The following CCDC196 variants were observed in gnomAD, a reference collection of about 807,000 sequenced individuals.
CCDC196 encodes coiled-coil domain-containing protein 196.
intron 8 of CCDC196, among the ~76,000 whole-genome samples, chr14:66,492,590 T>G (rs8004241): frequency 1.3e-5 from 2 of 151,860 alleles, no homozygotes; most frequent in Non-Finnish European, 2.9e-5. Context: ...TCCACCTGCC[T>G]TGGCCTCCCA....
At chr14:66,489,326 C>T (rs1276707352) in intron 4 of CCDC196, among the ~76,000 whole-genome samples, 1 of 152,208 alleles carries the variant, frequency 6.6e-6, no homozygotes, top group African/African-American at 2.4e-5. Flanking sequence ...GCAACCATGC[C>T]ACTGGCTTCT....
intron 8 of CCDC196, chr14:66,493,898 T>A (rs1438605581): frequency 6.6e-6 from 1 of 152,232 alleles, no homozygotes; most frequent in Non-Finnish European, 1.5e-5. Context: ...GTCCCTGTTT[T>A]ACTTCATTCA....
rs181275394 is a variant in CCDC196 at position 66,490,788 on chromosome 14, C to G, written c.398C>G (p.Thr133Arg). 1.5e-4 allele frequency: 61 copies of G among 399,556 alleles called. No homozygotes were observed. Among genetic ancestry groups the G allele is most frequent in the Admixed American group, 1.4e-3 (32 of 22,738 alleles). The allele number at this position is 399,556 out of a possible 1,614,324, so 24.8% of individuals were successfully genotyped here. Residue 133 changes from threonine to arginine, a missense_variant, in exon 5 of 10, where the codon ACA (threonine) becomes AGA (arginine). By Grantham distance (71) the Thr-to-Arg change is moderately conservative (BLOSUM62 -1). Coordinates refer to ENST00000636229, the MANE Select transcript of CCDC196 (RefSeq NM_001351576.1). The part of the protein sequence containing the change: ...ELSDQQKAPQ[T>R]KNKADLQDGK... Reference sequence around the variant, plus strand: ...AGTGATCAACAAAAAGCACCACAGACAAAAAACAAGGCAGACTTGCAGGAT... The same window carrying G: ...AGTGATCAACAAAAAGCACCACAGAGAAAAAACAAGGCAGACTTGCAGGAT...
chr14:66,493,278 C>T (rs1474651241), intron 8 of CCDC196, among the ~76,000 whole-genome samples: 2 of 152,176 alleles, frequency 1.3e-5, no homozygotes, highest in African/African-American at 2.4e-5. Flanking sequence ...CGGGCAAATA[C>T]ACAAGAATGC....
Position 66,491,370 on chromosome 14 carries a change from G to A in CCDC196, c.514-256G>A, listed in dbSNP as rs547168196. Among the ~76,000 whole-genome samples the A allele has an allele frequency of 3.3e-5, 5 of 152,274 alleles. No homozygotes were observed. In the South Asian group the frequency reaches 1.0e-3, roughly 32 times the overall value. On this transcript the variant is annotated intron_variant, in intron 6 of 9. Coordinates refer to ENST00000636229, the MANE Select transcript of CCDC196 (RefSeq NM_001351576.1). ...TCAGAACTTCCGTTCATTTGTCTTTGAAAATGTATTCAGTGGTAGTATGCT... is the reference window on the plus strand; with the variant it reads ...TCAGAACTTCCGTTCATTTGTCTTTAAAAATGTATTCAGTGGTAGTATGCT...
chr14:66,498,032 A>C (rs1476681146), intron 8 of CCDC196, 77 bp from the exon 9 acceptor site: 1 of 406,020 alleles, frequency 2.5e-6, no homozygotes, highest in Non-Finnish European at 4.5e-6. Flanking sequence ...CAGTGATACA[A>C]AACAAAACAA....
At chr14:66,498,253 T>C in intron 9 of CCDC196, 86 bp downstream of exon 9, 1 of 412,720 alleles carries the variant, frequency 2.4e-6, no homozygotes, top group Non-Finnish European at 4.4e-6. Flanking sequence ...ATGCATTGCT[T>C]AACATATATT....
In CCDC196 at chr14:66,492,077, G is replaced by C; in HGVS notation, c.598G>C (p.Glu200Gln). 1 of 413,504 alleles carries C rather than the reference G, an allele frequency of 2.4e-6. No individual in the cohort carries two copies. The allele number at this position is 413,504 out of a possible 1,614,324, so 25.6% of individuals were successfully genotyped here. A position where few individuals can be genotyped will look rare whatever the true frequency, so the allele number is the denominator to read the frequency against. Residue 200 changes from glutamate to glutamine, a missense_variant, in exon 8 of 10, where the codon GAG becomes CAG. By Grantham distance (29) the Glu-to-Gln change is conservative (BLOSUM62 2). Coordinates refer to ENST00000636229, the MANE Select transcript of CCDC196 (RefSeq NM_001351576.1). ...GAATGATTTTCATGGCAAAGTGATT[G>C]AGCTGAGAATTGAAGCCTTGAAGAA... The part of the protein sequence containing the change: ...LQNDFHGKVI[E>Q]LRIEALKNYQ...
chr14:66,487,006 TATGACTC>T (rs1263902991), intron 2 of CCDC196, among the ~76,000 whole-genome samples, 197 bp downstream of exon 2: 7 of 152,158 alleles, frequency 4.6e-5, no homozygotes, highest in African/African-American at 1.7e-4. Flanking sequence ...GTAAATTAAA[TATGACTC>T]AGCCCTCATT....
chr14:66,494,350 C>T (rs1346361373), intron 8 of CCDC196, among the ~76,000 whole-genome samples: 1 of 152,098 alleles, frequency 6.6e-6, no homozygotes, highest in Non-Finnish European at 1.5e-5. Context: ...CCTATTTTTT[C>T]ACCTCTAGTA....
intron 2 of CCDC196, among the ~76,000 whole-genome samples, chr14:66,487,069 G>A (rs1013812689): frequency 1.3e-5 from 2 of 152,078 alleles, no homozygotes; most frequent in Non-Finnish European, 2.9e-5. Flanking sequence ...GCCCACCCAA[G>A]AAATAGTGAA....
At chr14:66,497,792 T>C (rs1462041139) in intron 8 of CCDC196, among the ~76,000 whole-genome samples, 3 of 152,096 alleles carry the variant, frequency 2.0e-5, no homozygotes, top group African/African-American at 7.2e-5. Flanking sequence ...TAATTGACCA[T>C]TTTTGTGAAA....
intron 7 of CCDC196, 81 bp downstream of exon 7, chr14:66,491,766 C>T: frequency 9.7e-6 from 4 of 412,840 alleles, no homozygotes. Context: ...TATTGTGAAG[C>T]CCAGTCCCCA....
At chr14:66,486,858 T>G in intron 2 of CCDC196, 49 bp downstream of exon 2, 2 of 412,100 alleles carry the variant, frequency 4.9e-6, no homozygotes, top group Non-Finnish European at 4.4e-6. Flanking sequence ...CTGGAGAACT[T>G]GATCTCCAAA....
intron 4 of CCDC196, among the ~76,000 whole-genome samples, 199 bp downstream of exon 4, chr14:66,489,236 A>G (rs1373086220): frequency 6.6e-6 from 1 of 152,192 alleles, no homozygotes; most frequent in African/African-American, 2.4e-5. Context: ...AAAAACCTTT[A>G]CAGCCACTAA....
chr14:66,495,474 A>G (rs1335341618), intron 8 of CCDC196, among the ~76,000 whole-genome samples: 3 of 152,224 alleles, frequency 2.0e-5, no homozygotes, highest in African/African-American at 4.8e-5. Context: ...TCCATATTCA[A>G]TCCTTATTCC....
chr14:66,487,509 A>T (rs1407453391), intron 2 of CCDC196, among the ~76,000 whole-genome samples: 1 of 152,232 alleles, frequency 6.6e-6, no homozygotes, highest in Non-Finnish European at 1.5e-5. Context: ...GCAAGAAAAC[A>T]CAAAGTCTTA....
chr14:66,488,829 C>T lies in CCDC196; in HGVS notation c.301-158C>T, dbSNP rs557377283. 3.9e-5 allele frequency among the ~76,000 whole-genome samples: 6 copies of T among 152,098 alleles called. No homozygotes were observed. The East Asian group carries it at 1.2e-3, about 29-fold the overall frequency. On this transcript the variant is annotated intron_variant, in intron 3 of 9. Coordinates refer to ENST00000636229, the MANE Select transcript of CCDC196 (RefSeq NM_001351576.1). ...TCATCATCATCAAACATCTCTTATG[C>T]TCCTGGATTTGGGATTAGACCCATT...
intron 8 of CCDC196, among the ~76,000 whole-genome samples, chr14:66,497,362 TTATTAA>T (rs202089831): frequency 0.015 from 2,326 of 152,310 alleles, 21 homozygotes; most frequent in Middle Eastern, 0.034. Flanking sequence ...AACTGTACCC[TTATTAA>T]TATTATTTTA....
Sources: allele counts gnomAD v4.1 joint callset (sites outside exome capture counted in the v4.1 genomes callset), GRCh38; gene constraint gnomAD v4.1.1; transcripts MANE v1.5; gene names NCBI Gene and HGNC (gene_info 2026-07-23, HGNC 2026-07-21).